Variants in OSBPL8 observed in about 807,000 individuals in gnomAD.
The protein encoded by OSBPL8 is oxysterol binding protein like 8.
A neutral mutation model predicts 125.5 loss-of-function variants in OSBPL8; 59 were observed. The observed-to-expected ratio is 0.47, with a 90% CI of 0.38 to 0.58. The LOEUF (loss-of-function observed/expected upper bound fraction) is 0.58, where lower values mean the gene tolerates loss of function less well. Among genes scored for constraint, OSBPL8 ranks in the 20% least tolerant of loss-of-function variants. OSBPL8 has a pLI of 0.00. For missense variants in OSBPL8, 758 were observed against 1,047.8 expected (o/e 0.72, Z 3.82); for synonymous variants, 330 against 338.9 (o/e 0.97, Z 0.29).
chr12:76,538,605 A>T (rs1012877908), intron 1 of OSBPL8, among the ~76,000 whole-genome samples: 15 of 152,210 alleles, frequency 9.9e-5, no homozygotes, highest in African/African-American at 2.4e-4. Flanking sequence ...ATCATTGTAA[A>T]CAAACTTATT....
chr12:76,488,398 G>A (rs534740537), intron 1 of OSBPL8, among the ~76,000 whole-genome samples: 1 of 152,252 alleles, frequency 6.6e-6, no homozygotes, highest in African/African-American at 2.4e-5. Flanking sequence ...GGCATGCCTT[G>A]TTTTATTGTG....
intron 1 of OSBPL8, among the ~76,000 whole-genome samples, chr12:76,532,095 CTTAAAA>C (rs1950356645): frequency 6.7e-6 from 1 of 149,678 alleles, no homozygotes; most frequent in Non-Finnish European, 1.5e-5. Flanking sequence ...AAATCTGTTC[CTTAAAA>C]TTTTTCTTTT....
chr12:76,386,385 G>C, intron 13 of OSBPL8, 119 bp from the exon 14 acceptor site: 1 of 1,367,414 alleles, frequency 7.3e-7, no homozygotes. Flanking sequence ...AAATTTCAAA[G>C]TAAATAAAAT....
intron 2 of OSBPL8, among the ~76,000 whole-genome samples, chr12:76,473,560 T>C (rs1202934432): frequency 6.6e-6 from 1 of 152,168 alleles, no homozygotes; most frequent in Non-Finnish European, 1.5e-5. Flanking sequence ...TTCAATTGAA[T>C]AGGAATGTAG....
chr12:76,451,376 G>T (rs1158119381), intron 3 of OSBPL8, among the ~76,000 whole-genome samples: 1 of 151,228 alleles, frequency 6.6e-6, no homozygotes, highest in Admixed American at 6.6e-5. Context: ...AACATATAAA[G>T]ATACTCAGCC....
intron 4 of OSBPL8, among the ~76,000 whole-genome samples, chr12:76,438,950 TA>T (rs1225555472): frequency 4.9e-4 from 75 of 152,344 alleles, no homozygotes; most frequent in African/African-American, 1.6e-3. Context: ...GCTTCTCATA[TA>T]AAAGCCTGAT....
chr12:76,429,881 G>A (rs543393140), intron 4 of OSBPL8, among the ~76,000 whole-genome samples: 57 of 116,068 alleles, frequency 4.9e-4, no homozygotes, highest in South Asian at 2.4e-3. Context: ...TCACAGACAA[G>A]GGTTTTAAAA....
intron 5 of OSBPL8, 53 bp from the exon 6 acceptor site, chr12:76,402,819 C>A: frequency 8.6e-7 from 1 of 1,165,296 alleles, no homozygotes; most frequent in South Asian, 1.4e-5. Context: ...TTCTACACGT[C>A]GCATAAAAAT....
At chr12:76,447,767 G>A (rs1396587553) in intron 4 of OSBPL8, among the ~76,000 whole-genome samples, 4 of 152,070 alleles carry the variant, frequency 2.6e-5, no homozygotes, top group Admixed American at 2.0e-4. Context: ...GGCTGGTCTC[G>A]AACTCCTGAC....
chr12:76,459,935 C>G (rs746896953), intron 2 of OSBPL8, 40 bp from the exon 3 acceptor site: 1 of 1,609,562 alleles, frequency 6.2e-7, no homozygotes, highest in Non-Finnish European at 8.5e-7. Flanking sequence ...CAAATACAGT[C>G]CAAATCAGGA....
chr12:76,401,605 C>T (rs1006757548), intron 6 of OSBPL8, among the ~76,000 whole-genome samples: 2 of 152,174 alleles, frequency 1.3e-5, no homozygotes, highest in African/African-American at 4.8e-5. Flanking sequence ...CAGGGGCAAA[C>T]TAGCTCCCAA....
chr12:76,412,649 G>A (rs916584966), intron 4 of OSBPL8, among the ~76,000 whole-genome samples: 3 of 152,064 alleles, frequency 2.0e-5, no homozygotes, highest in South Asian at 2.1e-4. Flanking sequence ...GTGAGAACCC[G>A]AGTGTGACAC....
At chr12:76,356,162 T>TGGGGGGGGGTTGGGTGGGGG in intron 23 of OSBPL8, 141 bp from the exon 24 acceptor site, 1 of 131,274 alleles carries the variant, frequency 7.6e-6, no homozygotes, top group Non-Finnish European at 1.6e-5. Context: ...TATGTAGGGG[T>TGGGGGGGGGTTGGGTGGGGG]GGGGGGGGGC....
intron 3 of OSBPL8, among the ~76,000 whole-genome samples, chr12:76,451,212 T>C (rs527517191): frequency 5.9e-5 from 9 of 152,128 alleles, no homozygotes; most frequent in East Asian, 1.9e-4. Flanking sequence ...ATACAAATTA[T>C]AGACATTATA....
At chr12:76,356,379 T>C (rs545304695) in intron 23 of OSBPL8, among the ~76,000 whole-genome samples, 223 of 152,282 alleles carry the variant, frequency 1.5e-3, no homozygotes, top group Admixed American at 2.2e-3. Context: ...TAGCATGCTA[T>C]AGGAGTAAAA....
At chr12:76,462,925 G>C (rs182543290) in intron 2 of OSBPL8, among the ~76,000 whole-genome samples, 57 of 152,292 alleles carry the variant, frequency 3.7e-4, no homozygotes, top group Non-Finnish European at 7.2e-4. Flanking sequence ...AAATAGGAAA[G>C]TAGTAGGAGA....
chr12:76,378,699 C>A, intron 15 of OSBPL8, 149 bp from the exon 16 acceptor site: 1 of 595,800 alleles, frequency 1.7e-6, no homozygotes, highest in East Asian at 2.8e-5. Flanking sequence ...GTATTCATTA[C>A]CTTATATCCA....
At chr12:76,511,747 T>C (rs1368011227) in intron 1 of OSBPL8, among the ~76,000 whole-genome samples, 1 of 152,224 alleles carries the variant, frequency 6.6e-6, no homozygotes, top group Non-Finnish European at 1.5e-5. Context: ...CACTTGTCAA[T>C]TTTTGCTTTT....
In OSBPL8 at chr12:76,527,030, A is replaced by G. The variant is rs371040421; in HGVS notation, c.-68+32367T>C. Among the ~76,000 whole-genome samples, 11 of 152,188 alleles carry G rather than the reference A, an allele frequency of 7.2e-5. No homozygotes were observed. The South Asian group carries it at 1.4e-3, about 20-fold the overall frequency. On this transcript the variant is annotated intron_variant, in intron 1 of 23. Transcript: ENST00000261183. The stretch of plus-strand genomic sequence containing the variant: ...TACACCTCTGGACCTCAGTTTCCTC[A>G]TAAGTAAAATTATGAGGCTAAAATG...
Sources: allele counts gnomAD v4.1 joint callset (sites outside exome capture counted in the v4.1 genomes callset), GRCh38; gene constraint gnomAD v4.1.1; transcripts MANE v1.5; gene names NCBI Gene and HGNC (gene_info 2026-07-23, HGNC 2026-07-21).